The following ALPK3 variants were observed in gnomAD, a reference collection of about 807,000 sequenced individuals.
The protein encoded by ALPK3 is alpha kinase 3, also known as alpha-protein kinase 3.
ALPK3 carries 102 observed loss-of-function variants against 140.0 expected under a neutral mutation model. That is an observed-to-expected ratio of 0.73 (90% CI 0.62 to 0.86). ALPK3 has a LOEUF of 0.86. Ranked by LOEUF, ALPK3 falls within the 40% of genes least tolerant of loss-of-function variation. The probability of loss-of-function intolerance (pLI) is 0.00; values close to 1 mark genes in which losing one functional copy is unlikely to be tolerated. For missense variants in ALPK3, 2,254 were observed against 2,208.2 expected, an observed-to-expected ratio of 1.02 and a Z score of -0.42; for synonymous variants, 938 against 898.5, an observed-to-expected ratio of 1.04 and a Z score of -0.79.
intron 5 of ALPK3, among the ~76,000 whole-genome samples, chr15:84,843,435 TG>T (rs1963689719): frequency 6.6e-6 from 1 of 152,168 alleles, no homozygotes; most frequent in Non-Finnish European, 1.5e-5. Flanking sequence ...GATAGTCTCA[TG>T]AGACTAAGGA....
rs1964061485 is a variant in ALPK3 at position 84,870,781 on chromosome 15, C to T, written c.*2325C>T. 1 of 152,158 alleles carries T rather than the reference C, an allele frequency of 6.6e-6. No individual in the cohort carries two copies. The highest frequency in any genetic ancestry group is 2.4e-5 in the African/African-American group (1 of 41,418). 9.4% of individuals were successfully genotyped at this position (152,158 alleles called of 1,614,324 possible). ...CATAGAGTGGGAGGGGGGCAGTCTT[C>T]CAAAAGATGCGGACTCTTGCCACAT... On this transcript the variant is annotated 3_prime_UTR_variant, in exon 14 of 14. Transcript: ENST00000258888.
In ALPK3 at chr15:84,858,103, C is replaced by T. The variant is rs745849458; in HGVS notation, c.3365C>T (p.Ala1122Val). Reference protein sequence around the residue: ...AGRLGEAGGQAAPGQGPSAES... With the variant: ...AGRLGEAGGQVAPGQGPSAES... ...CGACTGGGGGAGGCGGGTGGGCAGG[C>T]AGCCCCTGGACAGGGGCCCTCAGCA... The change falls in exon 6 of 14, where the codon GCA becomes GTA. Residue 1122 changes from alanine to valine, a missense_variant. Physicochemically the swap from Ala to Val is moderately conservative, Grantham distance 64 (BLOSUM62 0). This residue lies in a region of ALPK3 where 2,088 missense variants were observed against 2,022.9 expected (regional missense o/e 1.03). Coordinates refer to ENST00000258888, the MANE Select transcript of ALPK3 (RefSeq NM_020778.5). The T allele has an allele frequency of 6.4e-7, 1 of 1,570,026 alleles. No homozygotes were observed. The highest frequency in any genetic ancestry group is 8.6e-7 in the Non-Finnish European group (1 of 1,161,280).
At chr15:84,828,385 T>C (rs1226735020) in intron 3 of ALPK3, among the ~76,000 whole-genome samples, 3 of 151,910 alleles carry the variant, frequency 2.0e-5, no homozygotes, top group Admixed American at 6.6e-5. Context: ...ACATTGCCTC[T>C]CCCCCAGATC....
In ALPK3 at chr15:84,859,902, G is replaced by C. The variant is rs778715401; in HGVS notation, c.4092G>C (p.Glu1364Asp). The part of the protein sequence containing the change: ...SASTDFCLSP[E>D]VLSGFISREE... ...CCACCGACTTCTGCCTCAGCCCTGA[G>C]GGTGAGTGTGCCCCGCGGCCCGGGG... The change falls in exon 8 of 14, where the codon GAG (glutamate) becomes GAC (aspartate). Residue 1364 changes from glutamate (E) to aspartate (D), a missense_variant and splice_region_variant. Around this residue, in one of 3 missense-constraint regions of ALPK3, gnomAD observed 2,088 missense variants for 2,022.9 expected, o/e 1.03. Transcript: ENST00000258888. 7.3e-5 allele frequency: 118 copies of C among 1,613,918 alleles called. No individual in the cohort carries two copies. Among genetic ancestry groups the C allele is most frequent in the Non-Finnish European group, 6.1e-5 (72 of 1,180,038 alleles).
chr15:84,867,343 C>T lies in ALPK3; in HGVS notation c.4750C>T (p.Gln1584Ter), dbSNP rs1964013306. Residue 1584 changes from glutamine (Q) to a stop codon, truncating the protein, a stop_gained, in exon 13 of 14, where the codon CAG becomes TAG. Transcript: ENST00000258888. LOFTEE classifies it high-confidence loss of function. ...GGTTGACTGGAAGATGACTGATGTG[C>T]AGATTGCTACCAAACTCCGAGGGTG... ...AGVDWKMTDV[Q>*]IATKLRGYQG... 1 of 1,614,002 alleles carries T rather than the reference C, an allele frequency of 6.2e-7. No homozygotes were observed. Among genetic ancestry groups the T allele is most frequent in the South Asian group, 1.1e-5 (1 of 91,072 alleles).
In ALPK3 at chr15:84,868,395, C is replaced by T; in HGVS notation, c.5057C>T (p.Thr1686Ile). 2 of 1,613,464 alleles carry T rather than the reference C, an allele frequency of 1.2e-6. No homozygotes were observed. The highest frequency in any genetic ancestry group is 1.1e-5 in the South Asian group (1 of 91,092). ...ATPQASEPVT[T>I]QLLGQPPTQE... ...CCTCAGGCCTCAGAGCCAGTCACCA[C>T]TCAGTTGTTGGGACAGCCTCCCACC... The change falls in exon 14 of 14, where the codon ACT (threonine) becomes ATT (isoleucine). Residue 1686 changes from threonine to isoleucine, a missense_variant. By Grantham distance (89) the Thr-to-Ile change is moderately conservative. Around this residue, in one of 3 missense-constraint regions of ALPK3, gnomAD observed 158 missense variants for 159.8 expected, o/e 0.99. Coordinates refer to ENST00000258888, the MANE Select transcript of ALPK3 (RefSeq NM_020778.5).
intron 5 of ALPK3, among the ~76,000 whole-genome samples, chr15:84,847,815 G>A (rs1415617052): frequency 1.3e-5 from 2 of 151,982 alleles, no homozygotes; most frequent in East Asian, 3.9e-4. Flanking sequence ...TCCCAGCACT[G>A]TGGGAGGCTG....
intron 5 of ALPK3, among the ~76,000 whole-genome samples, chr15:84,850,561 T>A (rs543226679): frequency 1.3e-5 from 2 of 152,134 alleles, no homozygotes; most frequent in South Asian, 4.2e-4. Flanking sequence ...ATATTTTGTT[T>A]TTTTTTTGTA....
chr15:84,827,522 A>C lies in ALPK3; in HGVS notation c.221A>C (p.Glu74Ala), dbSNP rs533505673. 38 of 1,614,208 alleles carry C rather than the reference A, an allele frequency of 2.4e-5. No homozygotes were observed. In the Admixed American group the frequency reaches 3.7e-4, roughly 16 times the overall value. The change falls in exon 3 of 14, where the codon GAG becomes GCG. Residue 74 changes from glutamate (E) to alanine (A), a missense_variant. Transcript: ENST00000258888. ...FCSIIAQLTE[E>A]TQPLFETTLK... Reference sequence around the variant, plus strand: ...TCCATCATTGCTCAGCTCACAGAGGAGACCCAGCCGCTATTTGAGACCACG... The same window carrying C: ...TCCATCATTGCTCAGCTCACAGAGGCGACCCAGCCGCTATTTGAGACCACG...
chr15:84,844,234 A>G (rs1334141848), intron 5 of ALPK3, among the ~76,000 whole-genome samples: 2 of 151,186 alleles, frequency 1.3e-5, no homozygotes, highest in Non-Finnish European at 2.9e-5. Flanking sequence ...TCTCAAAAAA[A>G]CCCAAAAAAA....
intron 13 of ALPK3, among the ~76,000 whole-genome samples, chr15:84,867,643 C>G (rs1390947831): frequency 6.6e-6 from 1 of 152,146 alleles, no homozygotes; most frequent in Non-Finnish European, 1.5e-5. Context: ...TGCCAAGGTG[C>G]CGATGAGTAA....
chr15:84,849,520 T>C (rs560440259), intron 5 of ALPK3, among the ~76,000 whole-genome samples: 1 of 152,292 alleles, frequency 6.6e-6, no homozygotes, highest in East Asian at 1.9e-4. Flanking sequence ...GACCATAATA[T>C]AAATCTTAAC....
rs747645826 is a variant in ALPK3, at chr15:84,839,687, C to T, written c.423-15C>T. 1.3e-6 allele frequency: 2 copies of T among 1,580,632 alleles called. No individual in the cohort carries two copies. The highest frequency in any genetic ancestry group is 1.7e-6 in the Non-Finnish European group (2 of 1,162,182). ...CCAGGAGGGGAGAGGTGGCACCTCC[C>T]GCTCCTACCTCTAGGTGTCGAGAAG... On this transcript the variant is annotated splice_polypyrimidine_tract_variant and intron_variant, in intron 4 of 13. Coordinates refer to ENST00000258888, the MANE Select transcript of ALPK3 (RefSeq NM_020778.5).
intron 12 of ALPK3, among the ~76,000 whole-genome samples, chr15:84,865,086 T>TCTC (rs1963988940): frequency 6.6e-6 from 1 of 152,132 alleles, no homozygotes; most frequent in Non-Finnish European, 1.5e-5. Context: ...CTTTACTGTC[T>TCTC]CTCCTCCTCC....
At chr15:84,825,034 G>A (rs2141547128) in intron 2 of ALPK3, among the ~76,000 whole-genome samples, 1 of 152,276 alleles carries the variant, frequency 6.6e-6, no homozygotes. Flanking sequence ...AAGGCTTTCA[G>A]CTAGCCACCC....
At position 84,859,780 on chromosome 15, in the gene ALPK3, G is replaced by T; in HGVS notation, c.3970G>T (p.Gly1324Trp). ...RPVGEVGRSA[G>W]DEGPAALAIV... ...AGTAGGGTCTCCACTCTGCAGCGCAGGGGATGAGGGGCCGGCGGCCTTGGC... is the reference window on the plus strand; with the variant it reads ...AGTAGGGTCTCCACTCTGCAGCGCATGGGATGAGGGGCCGGCGGCCTTGGC... Residue 1324 changes from glycine to tryptophan, a missense_variant, in exon 8 of 14, where the codon GGG becomes TGG. Coordinates refer to ENST00000258888, the MANE Select transcript of ALPK3 (RefSeq NM_020778.5). 6.2e-7 allele frequency: 1 copy of T among 1,611,992 alleles called. No individual in the cohort carries two copies.
Position 84,868,366 on chromosome 15 carries a change from C to T in ALPK3, c.5028C>T (p.Ala1676=), listed in dbSNP as rs759933176. ...GTRKSAPSSK[A]TPQASEPVTT... ...GGAAGAGTGCTCCAAGTTCCAAGGC[C>T]ACCCCTCAGGCCTCAGAGCCAGTCA... Residue 1676 remains alanine (A), a synonymous_variant, in exon 14 of 14, where the codon GCC becomes GCT. Transcript: ENST00000258888. 1 of 1,614,056 alleles carries T rather than the reference C, an allele frequency of 6.2e-7. No homozygotes were observed. Among genetic ancestry groups the T allele is most frequent in the Non-Finnish European group, 8.5e-7 (1 of 1,180,028 alleles).
intron 3 of ALPK3, among the ~76,000 whole-genome samples, chr15:84,833,114 A>G (rs566815905): frequency 1.3e-5 from 2 of 152,358 alleles, no homozygotes; most frequent in East Asian, 3.9e-4. Context: ...ATATGGTTGT[A>G]TATCACACAA....
chr15:84,840,271 AG>A lies in ALPK3; in HGVS notation c.993del (p.Glu331AspfsTer2). 6.2e-7 allele frequency: 1 copy of A among 1,613,898 alleles called. No homozygotes were observed. The highest frequency in any genetic ancestry group is 1.1e-5 in the South Asian group (1 of 91,090). On this transcript the variant is annotated frameshift_variant, in exon 5 of 14. Transcript: ENST00000258888. LOFTEE classifies it high-confidence loss of function. ...TCCAAGCAAGGCCTGCGGAAGCCAG[AG>A]TTAGAGAAGGCAGCCCAAAGCCGCC... is the stretch of plus-strand genomic sequence containing the variant. ...EESKQGLRKP[E>X]LEKAAQSRRS...
Sources: allele counts gnomAD v4.1 joint callset (sites outside exome capture counted in the v4.1 genomes callset), GRCh38; gene constraint gnomAD v4.1.1; regional missense constraint gnomAD v4.1.1; transcripts MANE v1.5; gene names NCBI Gene and HGNC (gene_info 2026-07-23, HGNC 2026-07-21).